STON1: variants seen among roughly 807,000 people sequenced by gnomAD.
The protein encoded by STON1 is stonin 1.
Under a neutral mutation model 60.9 loss-of-function variants are expected in STON1, and 79 were observed. The ratio of observed to expected loss-of-function variants is 1.30; its 90% CI spans 1.08 to 1.56. The LOEUF (loss-of-function observed/expected upper bound fraction) is 1.56. Ranked by LOEUF, STON1 falls within the 40% of genes most tolerant of loss-of-function variation. STON1 has a pLI of 0.00. For missense variants in STON1, 1,166 were observed against 858.9 expected, an observed-to-expected ratio of 1.36 and a Z score of -4.47; for synonymous variants, 363 against 306.9, an observed-to-expected ratio of 1.18 and a Z score of -1.91.
Position 48,597,293 on chromosome 2 carries a change from G to T in STON1, c.*1991G>T, listed in dbSNP as rs1374982730. 1 of 152,066 alleles carries T rather than the reference G, an allele frequency of 6.6e-6. No individual in the cohort carries two copies. Among genetic ancestry groups the T allele is most frequent in the Non-Finnish European group, 1.5e-5 (1 of 68,032 alleles). 9.4% of individuals were successfully genotyped at this position (152,066 alleles called of 1,614,324 possible). A position where few individuals can be genotyped will look rare whatever the true frequency, so the allele number is the denominator to read the frequency against. Reference sequence around the variant, plus strand: ...CCATCTTTCTTTATCATCTGGTGTGGGCGCACTCTACAGTGACTTCAGTCT... The same window carrying T: ...CCATCTTTCTTTATCATCTGGTGTGTGCGCACTCTACAGTGACTTCAGTCT... On this transcript the variant is annotated 3_prime_UTR_variant, in exon 4 of 4. Transcript: ENST00000404752.
At chr2:48,584,755 T>G (rs1483307415) in intron 2 of STON1, among the ~76,000 whole-genome samples, 1 of 152,270 alleles carries the variant, frequency 6.6e-6, no homozygotes, top group South Asian at 2.1e-4. Context: ...CTCCAGGTGT[T>G]GTAAAGTTGT....
At position 48,598,377 on chromosome 2, in the gene STON1, A is replaced by G. The variant is rs982755096; in HGVS notation, c.*3075A>G. 6.6e-6 allele frequency: 1 copy of G among 152,656 alleles called. No homozygotes were observed. The highest frequency in any genetic ancestry group is 1.5e-5 in the Non-Finnish European group (1 of 68,042). The allele number at this position is 152,656 out of a possible 1,614,324, so 9.5% of individuals were successfully genotyped here. A position where few individuals can be genotyped will look rare whatever the true frequency, so the allele number is the denominator to read the frequency against. On this transcript the variant is annotated 3_prime_UTR_variant, in exon 4 of 4. Coordinates refer to ENST00000404752, the MANE Select transcript of STON1 (RefSeq NM_006873.4). ...TAGAAGGACTTCCTTAACAATGACT[A>G]TTATAATGTCTTACTTAAAATACAG...
At chr2:48,538,262 A>G (rs748366922) in intron 1 of STON1, among the ~76,000 whole-genome samples, 3 of 151,974 alleles carry the variant, frequency 2.0e-5, no homozygotes, top group Non-Finnish European at 2.9e-5. Context: ...TGGCTGGCAT[A>G]TATGTTTTTC....
At chr2:48,566,723 T>A (rs980424619) in intron 1 of STON1, among the ~76,000 whole-genome samples, 1 of 152,208 alleles carries the variant, frequency 6.6e-6, no homozygotes, top group Non-Finnish European at 1.5e-5. Flanking sequence ...AGGCTCCTAC[T>A]CTCCCACTGA....
chr2:48,555,390 G>T (rs1427538168), intron 1 of STON1, among the ~76,000 whole-genome samples: 1 of 57,456 alleles, frequency 1.7e-5, no homozygotes, highest in Non-Finnish European at 3.6e-5. Flanking sequence ...TTCCCAGTAG[G>T]GGCGGCCGGG....
At chr2:48,589,270 G>T (rs1032649280) in intron 2 of STON1, among the ~76,000 whole-genome samples, 1 of 152,124 alleles carries the variant, frequency 6.6e-6, no homozygotes, top group Admixed American at 6.5e-5. Context: ...GGAGGGACTG[G>T]ATATCAACTA....
At chr2:48,556,233 C>G (rs1479287229) in intron 1 of STON1, among the ~76,000 whole-genome samples, 4 of 33,150 alleles carry the variant, frequency 1.2e-4, no homozygotes, top group Non-Finnish European at 2.0e-4. Context: ...CCCCCCACCT[C>G]CCTCCCGGAC....
At chr2:48,567,990 T>C (rs567638375) in intron 1 of STON1, among the ~76,000 whole-genome samples, 13 of 143,570 alleles carry the variant, frequency 9.1e-5, no homozygotes, top group African/African-American at 2.8e-4. Context: ...ACAGACACAC[T>C]GAAATTAAGA....
intron 1 of STON1, among the ~76,000 whole-genome samples, chr2:48,558,659 C>T (rs190440801): frequency 6.7e-6 from 1 of 149,334 alleles, no homozygotes; most frequent in East Asian, 1.9e-4. Flanking sequence ...GCACATAACT[C>T]AAATCAACAG....
rs1364802708 is a variant in STON1, at chr2:48,581,251, G to A, written c.618G>A (p.Met206Ile). 6.6e-7 allele frequency: 1 copy of A among 1,517,500 alleles called. No individual in the cohort carries two copies. Among genetic ancestry groups the A allele is most frequent in the Admixed American group, 2.3e-5 (1 of 44,104 alleles). The allele number at this position is 1,517,500 out of a possible 1,614,324, so 94.0% of individuals were successfully genotyped here. A position where few individuals can be genotyped will look rare whatever the true frequency, so the allele number is the denominator to read the frequency against. ...TTGACCCACCAGGAAGCAAAAAGATGTTCTCATCAAGAAACAAGGAGATGC... is the reference window on the plus strand; with the variant it reads ...TTGACCCACCAGGAAGCAAAAAGATATTCTCATCAAGAAACAAGGAGATGC... ...FTLDPPGSKK[M>I]FSSRNKEMPI... The change falls in exon 2 of 4, where the codon ATG becomes ATA. Residue 206 changes from methionine to isoleucine, a missense_variant. Physicochemically the swap from Met to Ile is conservative, Grantham distance 10 (BLOSUM62 1). Transcript: ENST00000404752.
intron 1 of STON1, among the ~76,000 whole-genome samples, chr2:48,574,951 C>T (rs1404887906): frequency 1.3e-5 from 2 of 152,224 alleles, no homozygotes; most frequent in African/African-American, 4.8e-5. Context: ...CATTGTTGTA[C>T]AGCAAATCTC....
At chr2:48,592,561 A>G (rs1249685839) in intron 3 of STON1, among the ~76,000 whole-genome samples, 2 of 150,438 alleles carry the variant, frequency 1.3e-5, no homozygotes, top group Non-Finnish European at 3.0e-5. Context: ...CCTCTCAAGT[A>G]ACTGGGATTA....
In STON1 at chr2:48,595,123, G is replaced by T; in HGVS notation, c.2134-105G>T. 14 of 859,484 alleles carry T rather than the reference G, an allele frequency of 1.6e-5. No individual in the cohort carries two copies. In the South Asian group the frequency reaches 2.0e-4, roughly 12 times the overall value. The allele number at this position is 859,484 out of a possible 1,614,324, so 53.2% of individuals were successfully genotyped here. Reference sequence around the variant, plus strand: ...AGAGGGCTGTGTCTGTGTCCAAAGGGTGAGGTTTGTGCAGTCTGTGCCACA... The same window carrying T: ...AGAGGGCTGTGTCTGTGTCCAAAGGTTGAGGTTTGTGCAGTCTGTGCCACA... On this transcript the variant is annotated intron_variant, in intron 3 of 3. Transcript: ENST00000404752.
At chr2:48,532,346 C>T (rs1036124123) in intron 1 of STON1, among the ~76,000 whole-genome samples, 5 of 134,494 alleles carry the variant, frequency 3.7e-5, no homozygotes, top group African/African-American at 1.4e-4. Flanking sequence ...AAGACTCTGT[C>T]TAAATAAATA....
intron 1 of STON1, among the ~76,000 whole-genome samples, chr2:48,560,208 GA>G (rs1339009532): frequency 1.3e-5 from 2 of 152,154 alleles, no homozygotes; most frequent in African/African-American, 4.8e-5. Flanking sequence ...TTATCTTCAG[GA>G]AGGACAGTGG....
rs140426223 is a variant in STON1 at position 48,581,275 on chromosome 2, G to T, written c.642G>T (p.Met214Ile). 10 of 1,519,106 alleles carry T rather than the reference G, an allele frequency of 6.6e-6. No homozygotes were observed. Among genetic ancestry groups the T allele is most frequent in the African/African-American group, 1.4e-5 (1 of 71,734 alleles). The allele number at this position is 1,519,106 out of a possible 1,614,324, so 94.1% of individuals were successfully genotyped here. A position where few individuals can be genotyped will look rare whatever the true frequency, so the allele number is the denominator to read the frequency against. Residue 214 changes from methionine to isoleucine, a missense_variant, in exon 2 of 4, where the codon ATG (methionine) becomes ATT (isoleucine). Coordinates refer to ENST00000404752, the MANE Select transcript of STON1 (RefSeq NM_006873.4). ...TGTTCTCATCAAGAAACAAGGAGAT[G>T]CCTATTGACCAAAAAAGCCTAAATA... ...KKMFSSRNKE[M>I]PIDQKSLNKC... is the part of the protein sequence containing the mutation.
intron 1 of STON1, among the ~76,000 whole-genome samples, chr2:48,576,669 T>C (rs1438880721): frequency 6.6e-6 from 1 of 152,186 alleles, no homozygotes; most frequent in African/African-American, 2.4e-5. Flanking sequence ...TTTATTCAAG[T>C]ACTTTGCCAA....
intron 3 of STON1, 56 bp downstream of exon 3, chr2:48,591,911 G>T (rs933298787): frequency 3.2e-6 from 5 of 1,577,828 alleles, no homozygotes; most frequent in Non-Finnish European, 4.3e-6. Context: ...TATTTGTTTT[G>T]CTGTCTTTTG....
intron 1 of STON1, among the ~76,000 whole-genome samples, chr2:48,541,466 T>C (rs1671648303): frequency 6.7e-6 from 1 of 149,976 alleles, no homozygotes; most frequent in Admixed American, 6.7e-5. Flanking sequence ...GGCGGATCAC[T>C]TGACATCAAG....
Sources: gnomAD v4.1 joint callset for allele counts (sites outside exome capture counted in the v4.1 genomes callset) on GRCh38, gnomAD v4.1.1 for gene constraint, MANE v1.5 for transcripts, NCBI Gene and HGNC (gene_info 2026-07-23, HGNC 2026-07-21) for gene names.